Variants in CLDND1 observed in about 807,000 individuals in gnomAD.
The protein encoded by CLDND1 is claudin domain-containing protein 1.
In CLDND1, 13 loss-of-function variants were observed where a neutral mutation model predicts 26.3. That is an observed-to-expected ratio of 0.49 (90% CI 0.32 to 0.78). The LOEUF is 0.78. Among genes scored for constraint, CLDND1 ranks in the 30% least tolerant of loss-of-function variants. The pLI, the probability that CLDND1 is intolerant of heterozygous loss-of-function variation, is 0.03. For synonymous variants in CLDND1, 107 were observed against 107.0 expected (o/e 1.00, Z 0.00); for missense variants, 289 against 312.8 (o/e 0.92, Z 0.57).
chr3:98,522,635 C>A, intron 1 of CLDND1: 1 of 1,402,516 alleles, frequency 7.1e-7, no homozygotes, highest in African/African-American at 1.5e-5. Context: ...CGGAGAAGGC[C>A]AGGGCTGGGG....
chr3:98,519,584 C>A (rs2107150457), intron 2 of CLDND1, among the ~76,000 whole-genome samples: 1 of 152,322 alleles, frequency 6.6e-6, no homozygotes, highest in Middle Eastern at 3.4e-3. Context: ...TCTGTTCTCA[C>A]AACAGCCAGG....
chr3:98,520,385 C>T (rs1706355318), intron 2 of CLDND1, among the ~76,000 whole-genome samples: 1 of 152,146 alleles, frequency 6.6e-6, no homozygotes, highest in Non-Finnish European at 1.5e-5. Flanking sequence ...TAACTCAAGC[C>T]TGTTCTGCTA....
chr3:98,522,369 C>G (rs1004768871), intron 1 of CLDND1: 23 of 234,752 alleles, frequency 9.8e-5, no homozygotes, highest in Middle Eastern at 1.8e-3. Flanking sequence ...CGTGACCGCA[C>G]CAAACACCTT....
At chr3:98,522,414 G>T in intron 1 of CLDND1, 1 of 476,678 alleles carries the variant, frequency 2.1e-6, no homozygotes, top group Non-Finnish European at 2.9e-6. Context: ...GCAAACTGGG[G>T]TTGCTGAGTT....
Position 98,521,143 on chromosome 3 carries a change from T to C in CLDND1, c.282A>G (p.Pro94=), listed in dbSNP as rs1249801748. 2 of 1,609,312 alleles carry C rather than the reference T, an allele frequency of 1.2e-6. No individual in the cohort carries two copies. The highest frequency in any genetic ancestry group is 2.7e-5 in the African/African-American group (2 of 74,808). The change falls in exon 2 of 5, where the codon CCA becomes CCG. Residue 94 remains proline, a synonymous_variant. Coordinates refer to ENST00000341181, the MANE Select transcript of CLDND1 (RefSeq NM_001040181.2). ...IPKNMHWYSP[P]ERTESFDVVT... ...AAATAAGAGAAATACCTGTCCTTTC[T>C]GGTGGGCTATACCAATGCATGTTTT...
At chr3:98,517,211 A>G in intron 3 of CLDND1, 22 bp from the exon 4 acceptor site, 1 of 1,606,628 alleles carries the variant, frequency 6.2e-7, no homozygotes, top group Non-Finnish European at 8.5e-7. Flanking sequence ...AAAGAGAGAA[A>G]AGAAATGTTA....
At position 98,517,083 on chromosome 3, in the gene CLDND1, G is replaced by A; in HGVS notation, c.510C>T (p.Thr170=). The change falls in exon 4 of 5, where the codon ACC becomes ACT. Residue 170 remains threonine (T), a synonymous_variant. Coordinates refer to ENST00000341181, the MANE Select transcript of CLDND1 (RefSeq NM_001040181.2). Reference sequence around the variant, plus strand: ...GGAGATGGAGAATGCCCGTGGCAATGGTGGGATATAAGCTTCGGCAAATGC... The same window carrying A: ...GGAGATGGAGAATGCCCGTGGCAATAGTGGGATATAAGCTTCGGCAAATGC... ...CACICRSLYP[T]IATGILHLLA... The A allele has an allele frequency of 6.2e-7, 1 of 1,614,170 alleles. No homozygotes were observed. The highest frequency in any genetic ancestry group is 8.5e-7 in the Non-Finnish European group (1 of 1,180,008).
chr3:98,517,530 C>G (rs1232447917), intron 3 of CLDND1, among the ~76,000 whole-genome samples: 1 of 151,816 alleles, frequency 6.6e-6, no homozygotes, highest in Admixed American at 6.6e-5. Flanking sequence ...ATTCAACTAA[C>G]CAAGGGTTAA....
intron 3 of CLDND1, among the ~76,000 whole-genome samples, chr3:98,518,442 T>G (rs1706254386): frequency 6.6e-6 from 1 of 152,192 alleles, no homozygotes; most frequent in Non-Finnish European, 1.5e-5. Flanking sequence ...ACCCTTTTGT[T>G]ACTATCACCT....
chr3:98,521,584 A>G, intron 1 of CLDND1, 142 bp from the exon 2 acceptor site: 1 of 1,519,502 alleles, frequency 6.6e-7, no homozygotes, highest in Non-Finnish European at 9.1e-7. Context: ...TTTAGAAAGC[A>G]AGCATGTTTT....
chr3:98,519,021 T>C, intron 2 of CLDND1, 26 bp from the exon 3 acceptor site: 1 of 1,283,732 alleles, frequency 7.8e-7, no homozygotes, highest in Non-Finnish European at 1.1e-6. Flanking sequence ...TTGCCTGTTG[T>C]TTTAATTATA....
chr3:98,515,608 G>A lies in CLDND1; in HGVS notation c.*1051C>T. ...GGAATAAATAAATAAGTTTTTTAAAGTTCAATGTTTATAGACATACTTATA... is the reference window on the plus strand; with the variant it reads ...GGAATAAATAAATAAGTTTTTTAAAATTCAATGTTTATAGACATACTTATA... On this transcript the variant is annotated 3_prime_UTR_variant, in exon 5 of 5. Coordinates refer to ENST00000341181, the MANE Select transcript of CLDND1 (RefSeq NM_001040181.2). 9.3e-7 allele frequency: 1 copy of A among 1,076,444 alleles called. No homozygotes were observed. Among genetic ancestry groups the A allele is most frequent in the South Asian group, 2.3e-5 (1 of 43,598 alleles). 66.7% of individuals were successfully genotyped at this position (1,076,444 alleles called of 1,614,324 possible).
At chr3:98,521,737 T>G (rs1313698013) in intron 1 of CLDND1, 2 of 1,579,288 alleles carry the variant, frequency 1.3e-6, no homozygotes, top group South Asian at 1.1e-5. Context: ...GACATACACA[T>G]TACAGATACA....
intron 4 of CLDND1, 56 bp downstream of exon 4, chr3:98,516,996 T>C (rs1170076795): frequency 1.2e-6 from 2 of 1,610,286 alleles, no homozygotes; most frequent in Admixed American, 3.4e-5. Flanking sequence ...TTATAACTCT[T>C]TGGTCCCTAA....
intron 3 of CLDND1, among the ~76,000 whole-genome samples, chr3:98,518,342 G>C (rs145583199): frequency 6.6e-6 from 1 of 152,254 alleles, no homozygotes; most frequent in African/African-American, 2.4e-5. Context: ...TGAAAACTGA[G>C]GCTCAAATCT....
At position 98,516,111 on chromosome 3, in the gene CLDND1, C is replaced by T. The variant is rs979223664; in HGVS notation, c.*548G>A. On this transcript the variant is annotated 3_prime_UTR_variant, in exon 5 of 5. Coordinates refer to ENST00000341181, the MANE Select transcript of CLDND1 (RefSeq NM_001040181.2). ...GTGCAGATACAAACAGCTGCCATATCTCACCTCAGATGAAGCTATGTGTCA... is the reference window on the plus strand; with the variant it reads ...GTGCAGATACAAACAGCTGCCATATTTCACCTCAGATGAAGCTATGTGTCA... The T allele has an allele frequency of 9.2e-7, 1 of 1,081,660 alleles. No individual in the cohort carries two copies. 67.0% of individuals were successfully genotyped at this position (1,081,660 alleles called of 1,614,324 possible).
At chr3:98,521,781 G>T in intron 1 of CLDND1, 1 of 1,217,224 alleles carries the variant, frequency 8.2e-7, no homozygotes, top group Non-Finnish European at 1.2e-6. Context: ...GCAGTGTACC[G>T]TGCACACATT....
rs1435310373 is a variant in CLDND1 at position 98,522,835 on chromosome 3, TC to T, written c.-19+13del. ...CGCGACCCCTGCCCGGCGACGCAGGTCCCGCTCACTCACCGCCCATCCTCCT... is the reference window on the plus strand; with the variant it reads ...CGCGACCCCTGCCCGGCGACGCAGGTCCGCTCACTCACCGCCCATCCTCCT... On this transcript the variant is annotated intron_variant, in intron 1 of 4. Transcript: ENST00000341181. 2 of 1,613,594 alleles carry T rather than the reference TC, an allele frequency of 1.2e-6. No homozygotes were observed. The highest frequency in any genetic ancestry group is 4.5e-5 in the East Asian group (2 of 44,842).
At chr3:98,519,457 G>C (rs528635952) in intron 2 of CLDND1, among the ~76,000 whole-genome samples, 1 of 152,278 alleles carries the variant, frequency 6.6e-6, no homozygotes, top group African/African-American at 2.4e-5. Context: ...ACTATGTCCA[G>C]AATCCAGCTG....
Sources: gnomAD v4.1 joint callset for allele counts (sites outside exome capture counted in the v4.1 genomes callset) on GRCh38, gnomAD v4.1.1 for gene constraint, MANE v1.5 for transcripts, NCBI Gene and HGNC (gene_info 2026-07-23, HGNC 2026-07-21) for gene names.